TTC39A: variants seen among roughly 807,000 people sequenced by gnomAD.
The protein encoded by TTC39A is tetratricopeptide repeat protein 39A.
A neutral mutation model predicts 82.3 loss-of-function variants in TTC39A; 46 were observed. That is an observed-to-expected ratio of 0.56 (90% CI 0.44 to 0.71). The LOEUF (loss-of-function observed/expected upper bound fraction) is 0.71. TTC39A is among the 30% of genes least tolerant of loss of function. The pLI is 0.00. For missense variants in TTC39A, 543 were observed against 712.9 expected (o/e 0.76, Z 2.71); for synonymous variants, 254 against 275.2 (o/e 0.92, Z 0.76).
rs371667651 is a variant in TTC39A, at chr1:51,308,130, T to G, written c.488+1131A>C. 1.8e-4 allele frequency among the ~76,000 whole-genome samples: 27 copies of G among 152,336 alleles called. No homozygotes were observed. The East Asian group carries it at 2.9e-3, about 16-fold the overall frequency. ...TAAATTTATCATCACCAGCTTCAGCTGGGCTTCTCCGTACTGCCAGTCACT... is the reference window on the plus strand; with the variant it reads ...TAAATTTATCATCACCAGCTTCAGCGGGGCTTCTCCGTACTGCCAGTCACT... On this transcript the variant is annotated intron_variant, in intron 6 of 17. Transcript: ENST00000680483.
chr1:51,322,585 T>C (rs1314499435), intron 1 of TTC39A, among the ~76,000 whole-genome samples: 2 of 147,574 alleles, frequency 1.4e-5, no homozygotes, highest in South Asian at 4.2e-4. Context: ...AATGAATGAA[T>C]GAATGAATGA....
intron 1 of TTC39A, among the ~76,000 whole-genome samples, chr1:51,340,402 G>A (rs1646020403): frequency 6.6e-6 from 1 of 152,144 alleles, no homozygotes; most frequent in Non-Finnish European, 1.5e-5. Flanking sequence ...AACAGCAGGG[G>A]GACTCAGAGG....
upstream of TTC39A, among the ~76,000 whole-genome samples, chr1:51,332,547 C>T (rs1380570428): frequency 2.0e-5 from 3 of 152,232 alleles, no homozygotes; most frequent in African/African-American, 2.4e-5. Context: ...CGTAAGCCAC[C>T]GCGCCCGGCC....
intron 2 of TTC39A, among the ~76,000 whole-genome samples, chr1:51,314,419 G>C (rs1259877587): frequency 1.3e-5 from 2 of 152,214 alleles, no homozygotes; most frequent in Non-Finnish European, 2.9e-5. Flanking sequence ...TCAGTGCCAG[G>C]TTTATGCTGG....
chr1:51,341,156 C>G (rs1646031841), intron 1 of TTC39A, among the ~76,000 whole-genome samples: 1 of 146,564 alleles, frequency 6.8e-6, no homozygotes, highest in African/African-American at 2.5e-5. Flanking sequence ...GAGTGAAACT[C>G]TGTCTCACAA....
In TTC39A at chr1:51,301,659, C is replaced by T. The variant is rs1463331563; in HGVS notation, c.966G>A (p.Glu322=). 4 of 1,613,834 alleles carry T rather than the reference C, an allele frequency of 2.5e-6. No individual in the cohort carries two copies. Among genetic ancestry groups the T allele is most frequent in the Non-Finnish European group, 2.5e-6 (3 of 1,179,736 alleles). The part of the protein sequence containing the change: ...WKQFHHMCYW[E]LMWCFTYKGQ... ...CCTTGTAGGTGAAGCACCACATCAG[C>T]TCCCAGTAGCACATGTGGTGGAACT... The change falls in exon 12 of 18, where the codon GAG becomes GAA. Residue 322 remains glutamate, a synonymous_variant. Transcript: ENST00000680483.
chr1:51,309,383 G>C (rs1210306554), intron 5 of TTC39A, 58 bp from the exon 6 acceptor site: 2 of 1,611,594 alleles, frequency 1.2e-6, no homozygotes, highest in African/African-American at 1.3e-5. Context: ...AGGCGTGAGA[G>C]GGATCATGCA....
chr1:51,320,043 G>T (rs963468394), intron 2 of TTC39A, among the ~76,000 whole-genome samples: 1 of 152,078 alleles, frequency 6.6e-6, no homozygotes, highest in African/African-American at 2.4e-5. Flanking sequence ...GGACACAAGA[G>T]ACAAGACCTG....
chr1:51,305,138 G>T lies in TTC39A; in HGVS notation c.597C>A (p.Ser199=), dbSNP rs1290784611. Residue 199 remains serine, a synonymous_variant, in exon 8 of 18, where the codon TCC becomes TCA. Transcript: ENST00000680483. ...LGVGAFNLTL[S]MLPTRILRLL... ...GCCTCAGGATCCTAGTAGGAAGCAT[G>T]GACAGTGTCTGCAAGAAAGGAGGCA... 6.2e-7 allele frequency: 1 copy of T among 1,613,396 alleles called. No individual in the cohort carries two copies. The highest frequency in any genetic ancestry group is 8.5e-7 in the Non-Finnish European group (1 of 1,179,496).
intron 1 of TTC39A, chr1:51,322,064 G>C: frequency 1.3e-6 from 2 of 1,538,888 alleles, no homozygotes; most frequent in Admixed American, 2.0e-5. Context: ...TGTTGGAGGT[G>C]GGGGAGGGGC....
chr1:51,337,544 A>T (rs552248422), intron 1 of TTC39A, among the ~76,000 whole-genome samples: 2 of 148,878 alleles, frequency 1.3e-5, no homozygotes, highest in Non-Finnish European at 3.0e-5. Context: ...CTCCTGCCTC[A>T]GCCTCCCAAG....
intron 1 of TTC39A, among the ~76,000 whole-genome samples, chr1:51,344,759 A>C (rs1271680353): frequency 6.6e-6 from 1 of 152,252 alleles, no homozygotes. Flanking sequence ...AGCGGCGCTC[A>C]GGTGGGACCG....
At chr1:51,313,167 T>C (rs955020107) in intron 2 of TTC39A, among the ~76,000 whole-genome samples, 1 of 152,188 alleles carries the variant, frequency 6.6e-6, no homozygotes, top group African/African-American at 2.4e-5. Flanking sequence ...CCCTAAGTGA[T>C]CTACCAGATT....
At position 51,310,291 on chromosome 1, in the gene TTC39A, G is replaced by A. The variant is rs141626933; in HGVS notation, c.423+963C>T. Among the ~76,000 whole-genome samples, 730 of 152,250 alleles carry A rather than the reference G, an allele frequency of 4.8e-3. 6 individuals are homozygous for A. Among genetic ancestry groups the A allele is most frequent in the Middle Eastern group, 0.034 (10 of 294 alleles). On this transcript the variant is annotated intron_variant, in intron 5 of 17. Transcript: ENST00000680483. ...GACAATAAACATAATACTCTAGGTA[G>A]TGATTCCCCTGTTGGGTACATGGAC...
At chr1:51,331,463 G>A (rs1645909723), upstream of TTC39A, 3 of 1,381,230 alleles carry the variant, frequency 2.2e-6, no homozygotes, top group South Asian at 3.2e-5. Context: ...CTTCACAAAG[G>A]AGGGGACAGA....
intron 1 of TTC39A, chr1:51,322,149 C>T (rs1476061129): frequency 1.3e-6 from 2 of 1,551,148 alleles, no homozygotes; most frequent in Non-Finnish European, 8.7e-7. Flanking sequence ...TCTTTGTGGC[C>T]CTTCTGGCCC....
intron 1 of TTC39A, among the ~76,000 whole-genome samples, chr1:51,322,898 C>T (rs1196233658): frequency 6.6e-6 from 1 of 152,236 alleles, no homozygotes; most frequent in African/African-American, 2.4e-5. Flanking sequence ...AAGTCTCCCA[C>T]TCTGAGATGC....
At chr1:51,344,476 G>T (rs907603666) in intron 1 of TTC39A, among the ~76,000 whole-genome samples, 1 of 152,146 alleles carries the variant, frequency 6.6e-6, no homozygotes, top group Non-Finnish European at 1.5e-5. Flanking sequence ...GGAGGAGCTG[G>T]GGTGCACATA....
At chr1:51,301,089 CA>C (rs1427423999) in intron 12 of TTC39A, 1 of 152,716 alleles carries the variant, frequency 6.5e-6, no homozygotes, top group African/African-American at 2.4e-5. Flanking sequence ...TCGGATGTGC[CA>C]AGAATGTTCA....
Sources: gnomAD v4.1 joint callset for allele counts (sites outside exome capture counted in the v4.1 genomes callset) on GRCh38, gnomAD v4.1.1 for gene constraint, MANE v1.5 for transcripts, NCBI Gene and HGNC (gene_info 2026-07-23, HGNC 2026-07-21) for gene names.